Variants in EPHX3 observed in about 807,000 individuals in gnomAD.
EPHX3 encodes abhydrolase domain containing 9.
Under a neutral mutation model 40.2 loss-of-function variants are expected in EPHX3, and 39 were observed. That is an observed-to-expected ratio of 0.97 (90% CI 0.75 to 1.27). The LOEUF (loss-of-function observed/expected upper bound fraction) is 1.27, where lower values mean the gene tolerates loss of function less well. Among genes scored for constraint, EPHX3 ranks in the 50% most tolerant of loss-of-function variants. The pLI, the probability that EPHX3 is intolerant of heterozygous loss-of-function variation, is 0.00. For missense variants in EPHX3, 442 were observed against 474.0 expected (o/e 0.93, Z 0.63); for synonymous variants, 213 against 209.7 (o/e 1.02, Z -0.14).
At chr19:15,234,356 T>C (rs1473903024), upstream of EPHX3, among the ~76,000 whole-genome samples, 1 of 152,160 alleles carries the variant, frequency 6.6e-6, no homozygotes, top group Non-Finnish European at 1.5e-5. Flanking sequence ...TTTTTAGCTT[T>C]TTCTTTTTTT....
chr19:15,232,128 C>A lies in EPHX3; in HGVS notation c.84G>T (p.Val28=). The stretch of plus-strand genomic sequence containing the variant: ...CCGCGGCCACCAGCGCCACCGAGAA[C>A]ACCAGGCTCCACATGAAGGCGCGCA... The part of the protein sequence containing the change: ...KLLRAFMWSL[V]FSVALVAAAV... The change falls in exon 1 of 7, where the codon GTG becomes GTT. Residue 28 remains valine, a synonymous_variant. Coordinates refer to ENST00000221730, the MANE Select transcript of EPHX3 (RefSeq NM_024794.3). The A allele has an allele frequency of 1.3e-6, 2 of 1,541,614 alleles. No homozygotes were observed. The highest frequency in any genetic ancestry group is 1.7e-6 in the Non-Finnish European group (2 of 1,150,884).
chr19:15,227,719 AC>A, intron 6 of EPHX3, 51 bp downstream of exon 6: 4 of 1,594,700 alleles, frequency 2.5e-6, no homozygotes, highest in Middle Eastern at 1.7e-4. Flanking sequence ...GTTGCCTCCC[AC>A]CCCCCTGCCC....
chr19:15,230,360 G>A (rs570839422), intron 4 of EPHX3, among the ~76,000 whole-genome samples: 8 of 151,624 alleles, frequency 5.3e-5, no homozygotes, highest in Non-Finnish European at 7.4e-5. Context: ...TAGTAGAGAC[G>A]GGGTTTCACC....
intron 4 of EPHX3, among the ~76,000 whole-genome samples, chr19:15,229,393 A>G (rs1482916915): frequency 6.6e-6 from 1 of 152,046 alleles, no homozygotes; most frequent in Non-Finnish European, 1.5e-5. Flanking sequence ...TGAGCCCAGG[A>G]GTTCAAGACC....
chr19:15,235,146 T>C (rs1286862651), upstream of EPHX3, among the ~76,000 whole-genome samples: 1 of 151,872 alleles, frequency 6.6e-6, no homozygotes, highest in Non-Finnish European at 1.5e-5. Flanking sequence ...GGACTACAGG[T>C]GTGTGCTACC....
rs1342936272 is a variant in EPHX3, at chr19:15,232,418, C to T, written c.-207G>A. 12 of 1,354,098 alleles carry T rather than the reference C, an allele frequency of 8.9e-6. No individual in the cohort carries two copies. Among genetic ancestry groups the T allele is most frequent in the Non-Finnish European group, 1.1e-5 (12 of 1,060,800 alleles). The allele number at this position is 1,354,098 out of a possible 1,614,324, so 83.9% of individuals were successfully genotyped here. On this transcript the variant is annotated 5_prime_UTR_variant, in exon 1 of 7. In the 5' UTR this introduces an upstream ATG that the reference lacks. Transcript: ENST00000221730. Reference sequence around the variant, plus strand: ...CACTCACCTGAGTGCCAGGTAAACACCTGGGCGCGACAGGGACAGGAAACA... The same window carrying T: ...CACTCACCTGAGTGCCAGGTAAACATCTGGGCGCGACAGGGACAGGAAACA...
chr19:15,231,783 CA>C lies in EPHX3; in HGVS notation c.321del (p.Glu108ArgfsTer53). On this transcript the variant is annotated frameshift_variant, in exon 2 of 7. Coordinates refer to ENST00000221730, the MANE Select transcript of EPHX3 (RefSeq NM_024794.3). LOFTEE classifies it high-confidence loss of function. ...CCCTGGCCCCAGACGTACCAGTTCTCAGGGAAGCCGTGCAGAAACAGCATGA... is the reference window on the plus strand; with the variant it reads ...CCCTGGCCCCAGACGTACCAGTTCTCGGGAAGCCGTGCAGAAACAGCATGA... Reference protein sequence around the residue: ...GPLMLFLHGFPENWFSWRYQL... With the variant: ...GPLMLFLHGFXENWFSWRYQL... The C allele has an allele frequency of 6.2e-7, 1 of 1,613,988 alleles. No individual in the cohort carries two copies. The highest frequency in any genetic ancestry group is 1.1e-5 in the South Asian group (1 of 91,084).
upstream of EPHX3, chr19:15,233,010 A>G (rs2047166277): frequency 1.3e-5 from 2 of 152,184 alleles, no homozygotes; most frequent in South Asian, 2.1e-4. Flanking sequence ...CCTACAAGCC[A>G]AAAAGGAGAA....
At chr19:15,230,844 T>G (rs956888786) in intron 4 of EPHX3, 118 bp downstream of exon 4, 1 of 1,406,838 alleles carries the variant, frequency 7.1e-7, no homozygotes, top group African/African-American at 1.4e-5. Context: ...CCTGGGTTGA[T>G]TGCTGCACCC....
At chr19:15,232,485 G>A (rs2047163157), upstream of EPHX3, 36 of 1,278,702 alleles carry the variant, frequency 2.8e-5, no homozygotes, top group South Asian at 6.6e-4. Context: ...GTTGGAAAGG[G>A]GGGAAATAAA....
intron 6 of EPHX3, 37 bp downstream of exon 6, chr19:15,227,734 C>T: frequency 1.2e-6 from 2 of 1,609,792 alleles, no homozygotes; most frequent in South Asian, 2.2e-5. Flanking sequence ...CCTGCCCCTG[C>T]AAATCTCCTG....
At chr19:15,230,857 A>G in intron 4 of EPHX3, 105 bp downstream of exon 4, 2 of 1,482,806 alleles carry the variant, frequency 1.3e-6, no homozygotes, top group Admixed American at 2.0e-5. Context: ...CTGCACCCTC[A>G]GCCCCTGATG....
Position 15,231,369 on chromosome 19 carries a change from C to T in EPHX3, c.357G>A (p.Glu119=). 6.2e-7 allele frequency: 1 copy of T among 1,613,862 alleles called. No homozygotes were observed. Among genetic ancestry groups the T allele is most frequent in the Non-Finnish European group, 8.5e-7 (1 of 1,179,984 alleles). ...CCACAACATGGAAGCGGCTCTGGAACTCCCGGAGCTGGTAACGCCAGGAGA... is the reference window on the plus strand; with the variant it reads ...CCACAACATGGAAGCGGCTCTGGAATTCCCGGAGCTGGTAACGCCAGGAGA... ...NWFSWRYQLR[E]FQSRFHVVAV... The change falls in exon 3 of 7, where the codon GAG becomes GAA. Residue 119 remains glutamate, a synonymous_variant. Coordinates refer to ENST00000221730, the MANE Select transcript of EPHX3 (RefSeq NM_024794.3).
intron 5 of EPHX3, 40 bp downstream of exon 5, chr19:15,227,957 G>C: frequency 1.2e-6 from 2 of 1,614,002 alleles, no homozygotes; most frequent in Non-Finnish European, 1.7e-6. Context: ...GCCCAGCCCC[G>C]ACCTGCTTCC....
chr19:15,232,717 A>G (rs981128186), upstream of EPHX3, among the ~76,000 whole-genome samples: 1 of 152,058 alleles, frequency 6.6e-6, no homozygotes, highest in African/African-American at 2.4e-5. Flanking sequence ...TCTCTACTAA[A>G]AATACAAAAA....
In EPHX3 at chr19:15,232,055, G is replaced by T. The variant is rs773381368; in HGVS notation, c.157C>A (p.Arg53Ser). ...CTCCGACGGCGCCCGCAGCAGCCGC[G>T]CCGGGGCCGGCACAGCACGTGCGTG... ...ALTHVLCRPR[R>S]GCCGRRRSAS... Residue 53 changes from arginine to serine, a missense_variant, in exon 1 of 7, where the codon CGC (arginine) becomes AGC (serine). By Grantham distance (110) the Arg-to-Ser change is moderately radical. Coordinates refer to ENST00000221730, the MANE Select transcript of EPHX3 (RefSeq NM_024794.3). The T allele has an allele frequency of 2.5e-6, 4 of 1,578,034 alleles. No individual in the cohort carries two copies. The African/African-American group carries it at 5.4e-5, about 21-fold the overall frequency.
chr19:15,229,594 GAAAA>G (rs770587568), intron 4 of EPHX3, among the ~76,000 whole-genome samples: 1 of 97,280 alleles, frequency 1.0e-5, no homozygotes, highest in Non-Finnish European at 2.2e-5. Context: ...TCCATCTCAA[GAAAA>G]AAAAAAAAAA....
chr19:15,234,488 C>G (rs2047177325), upstream of EPHX3, among the ~76,000 whole-genome samples: 1 of 152,128 alleles, frequency 6.6e-6, no homozygotes, highest in Non-Finnish European at 1.5e-5. Context: ...AAAAACTTTT[C>G]AGAGAGACGA....
At chr19:15,235,880 G>C (rs922576389), upstream of EPHX3, 1 of 152,228 alleles carries the variant, frequency 6.6e-6, no homozygotes, top group Admixed American at 6.5e-5. Context: ...TCAGCAGGAA[G>C]CTGCAGAGAA....
Sources: allele counts gnomAD v4.1 joint callset (sites outside exome capture counted in the v4.1 genomes callset), GRCh38; gene constraint gnomAD v4.1.1; transcripts MANE v1.5; gene names NCBI Gene and HGNC (gene_info 2026-07-23, HGNC 2026-07-21).